The following TANC2 variants were observed in gnomAD, a reference collection of about 807,000 sequenced individuals.
TANC2 encodes the protein tetratricopeptide repeat, ankyrin repeat and coiled-coil containing 2, also known as protein TANC2.
TANC2 carries 26 observed loss-of-function variants against 210.5 expected under a neutral mutation model. That is an observed-to-expected ratio of 0.12 (90% CI 0.09 to 0.17). TANC2 has a LOEUF of 0.17. Ranked by LOEUF, TANC2 falls within the 10% of genes least tolerant of loss-of-function variation. The probability of loss-of-function intolerance (pLI) is 1.00; values close to 1 mark genes in which losing one functional copy is unlikely to be tolerated. For synonymous variants in TANC2, 931 were observed against 967.1 expected, an observed-to-expected ratio of 0.96 and a Z score of 0.69; for missense variants, 2,129 against 2,608.9, an observed-to-expected ratio of 0.82 and a Z score of 4.01.
chr17:63,202,305 T>G (rs1209192583), intron 7 of TANC2, among the ~76,000 whole-genome samples: 2 of 152,100 alleles, frequency 1.3e-5, no homozygotes, highest in African/African-American at 4.8e-5. Flanking sequence ...AACTATATAT[T>G]TATACTCTGT....
At chr17:62,991,430 A>C (rs1000456107) in intron 1 of TANC2, among the ~76,000 whole-genome samples, 1 of 152,042 alleles carries the variant, frequency 6.6e-6, no homozygotes, top group African/African-American at 2.4e-5. Context: ...TGAGGTCAGG[A>C]GATCGAGACC....
intron 5 of TANC2, among the ~76,000 whole-genome samples, chr17:63,166,417 C>G (rs367567973): frequency 6.6e-6 from 1 of 152,098 alleles, no homozygotes; most frequent in East Asian, 1.9e-4. Flanking sequence ...GACAAATTTA[C>G]TTACTGTTTT....
chr17:63,137,075 A>ATTTTTAT (rs918807151), intron 4 of TANC2, among the ~76,000 whole-genome samples: 6 of 152,248 alleles, frequency 3.9e-5, no homozygotes, highest in South Asian at 2.1e-4. Context: ...GGAATGGGAG[A>ATTTTTAT]TTTTTATTTT....
rs557569565 is a variant in TANC2, at chr17:63,255,344, G to A, written c.1034-12404G>A. Among the ~76,000 whole-genome samples, 41 of 152,084 alleles carry A rather than the reference G, an allele frequency of 2.7e-4. No homozygotes were observed. In the South Asian group the frequency reaches 3.1e-3, roughly 12 times the overall value. ...ACCTTGTTTGTGATCCGCCTGCCTC[G>A]GCCTCCCAAAGTGCTGGGATTACAG... On this transcript the variant is annotated intron_variant, in intron 8 of 27. Transcript: ENST00000689528.
chr17:63,095,379 C>T (rs955713618), intron 3 of TANC2, among the ~76,000 whole-genome samples: 1 of 152,052 alleles, frequency 6.6e-6, no homozygotes, highest in Non-Finnish European at 1.5e-5. Flanking sequence ...CATTGTTGCC[C>T]ACATCGATCT....
intron 2 of TANC2, among the ~76,000 whole-genome samples, chr17:63,053,081 T>C (rs1447058312): frequency 6.6e-6 from 1 of 152,206 alleles, no homozygotes; most frequent in Non-Finnish European, 1.5e-5. Flanking sequence ...AGGGTAGTTT[T>C]CTTCAGTAAT....
rs1294380206 is a variant in TANC2, at chr17:63,412,664, T to C, written c.3899-16T>C. ...TTTCCTCTCCTACAACTTTTTGTTT[T>C]CTCCTTTCTTTGAAGGTTGTCAGAC... On this transcript the variant is annotated splice_polypyrimidine_tract_variant and intron_variant, in intron 23 of 27. Coordinates refer to ENST00000689528, the Ensembl canonical transcript of TANC2. The surrounding 1 kb of genome is among the most constrained non-coding windows in gnomAD (Gnocchi z 4.2). 6.5e-7 allele frequency: 1 copy of C among 1,535,200 alleles called. No homozygotes were observed. Among genetic ancestry groups the C allele is most frequent in the South Asian group, 1.2e-5 (1 of 83,872 alleles).
At chr17:63,247,938 G>T (rs967978104) in intron 8 of TANC2, among the ~76,000 whole-genome samples, 1 of 152,004 alleles carries the variant, frequency 6.6e-6, no homozygotes, top group Non-Finnish European at 1.5e-5. Context: ...TCAGAAAGAG[G>T]CAGAAAAGGA....
chr17:63,163,550 G>C (rs1159786699), intron 5 of TANC2, among the ~76,000 whole-genome samples: 1 of 152,162 alleles, frequency 6.6e-6, no homozygotes, highest in Non-Finnish European at 1.5e-5. Context: ...ACGGAAGAAA[G>C]TAACTTACTA....
intron 11 of TANC2, among the ~76,000 whole-genome samples, chr17:63,325,259 G>A (rs2045611712): frequency 6.6e-6 from 1 of 152,130 alleles, no homozygotes; most frequent in African/African-American, 2.4e-5. Context: ...ACCTCGCCAT[G>A]CCCTATCTTC....
At chr17:63,220,766 G>A (rs994291053) in intron 7 of TANC2, among the ~76,000 whole-genome samples, 12 of 144,234 alleles carry the variant, frequency 8.3e-5, no homozygotes, top group African/African-American at 2.5e-4. Context: ...ATACGTGTAT[G>A]TGTATATATA....
intron 14 of TANC2, among the ~76,000 whole-genome samples, chr17:63,370,794 A>G (rs2047244508): frequency 6.6e-6 from 1 of 152,156 alleles, no homozygotes; most frequent in African/African-American, 2.4e-5. Context: ...GAAGACAAAA[A>G]ACAGTGGAAG....
intron 9 of TANC2, among the ~76,000 whole-genome samples, chr17:63,284,258 A>G (rs2044152314): frequency 6.6e-6 from 1 of 151,998 alleles, no homozygotes; most frequent in Non-Finnish European, 1.5e-5. Context: ...ATTGATTGAT[A>G]TTTGAATCTA....
chr17:63,123,515 C>T (rs1437279283), intron 4 of TANC2, among the ~76,000 whole-genome samples: 6 of 149,352 alleles, frequency 4.0e-5, no homozygotes, highest in Admixed American at 6.6e-5. Context: ...GCCGAGATTG[C>T]GCCACTGCAC....
intron 4 of TANC2, among the ~76,000 whole-genome samples, chr17:63,115,164 A>G (rs1328593562): frequency 6.6e-6 from 1 of 152,194 alleles, no homozygotes. Flanking sequence ...AAAAATAACT[A>G]CTGGCACAAG....
chr17:63,263,140 C>T (rs1356218422), intron 8 of TANC2, among the ~76,000 whole-genome samples: 2 of 152,028 alleles, frequency 1.3e-5, no homozygotes, highest in East Asian at 1.9e-4. Context: ...ACATTTTAAT[C>T]GGCTCTTATC....
intron 4 of TANC2, among the ~76,000 whole-genome samples, chr17:63,120,214 G>A (rs1349426879): frequency 2.0e-5 from 3 of 151,410 alleles, no homozygotes; most frequent in Non-Finnish European, 4.4e-5. Context: ...CTTAAAGATT[G>A]TATATTAACC....
At chr17:63,241,186 T>G (rs954956879) in intron 8 of TANC2, among the ~76,000 whole-genome samples, 2 of 152,216 alleles carry the variant, frequency 1.3e-5, no homozygotes, top group Admixed American at 6.5e-5. Flanking sequence ...GTAAGCTCTA[T>G]ATGAGATGGT....
At chr17:63,261,805 A>G (rs747908523) in intron 8 of TANC2, among the ~76,000 whole-genome samples, 41 of 152,248 alleles carry the variant, frequency 2.7e-4, no homozygotes, top group Admixed American at 4.6e-4. Flanking sequence ...TGAAACTCCA[A>G]ACATTTTCAG....
Sources: allele counts gnomAD v4.1 joint callset (sites outside exome capture counted in the v4.1 genomes callset), GRCh38; gene constraint gnomAD v4.1.1; non-coding constraint Gnocchi (gnomAD v3.1); transcripts MANE v1.5; gene names NCBI Gene and HGNC (gene_info 2026-07-23, HGNC 2026-07-21).